RALGPS1: variants seen among roughly 807,000 people sequenced by gnomAD.
RALGPS1 encodes ras-specific guanine nucleotide-releasing factor RalGPS1.
RALGPS1 carries 19 observed loss-of-function variants against 78.8 expected under a neutral mutation model. That is an observed-to-expected ratio of 0.24 (90% confidence interval 0.17 to 0.35). RALGPS1 has a LOEUF of 0.35. RALGPS1 is among the 10% of genes least tolerant of loss of function. RALGPS1 has a pLI of 1.00. For synonymous variants in RALGPS1, 228 were observed against 256.3 expected (o/e 0.89, Z 1.06); for missense variants, 454 against 688.3 (o/e 0.66, Z 3.81).
At chr9:127,152,708 G>A (rs2058490658) in intron 8 of RALGPS1, among the ~76,000 whole-genome samples, 1 of 152,232 alleles carries the variant, frequency 6.6e-6, no homozygotes. Flanking sequence ...ATAAGTCTTA[G>A]TTGGTAAGGA....
At chr9:126,956,225 T>G (rs573199420) in intron 1 of RALGPS1, among the ~76,000 whole-genome samples, 162 of 150,074 alleles carry the variant, frequency 1.1e-3, no homozygotes, top group Non-Finnish European at 1.5e-3. Flanking sequence ...GGCCCTACTC[T>G]GGGTAGGGAA....
intron 1 of RALGPS1, among the ~76,000 whole-genome samples, chr9:126,959,584 T>C (rs2038683986): frequency 7.5e-6 from 1 of 132,912 alleles, no homozygotes; most frequent in Non-Finnish European, 1.7e-5. Context: ...AAACTTTACC[T>C]GACCAGTTCT....
chr9:127,045,177 C>T (rs1179621832), intron 5 of RALGPS1, among the ~76,000 whole-genome samples: 2 of 151,944 alleles, frequency 1.3e-5, no homozygotes, highest in Non-Finnish European at 2.9e-5. Flanking sequence ...CAAGAGGAAA[C>T]CTTAATATAT....
At chr9:127,069,866 G>T in intron 8 of RALGPS1, 1 of 152,332 alleles carries the variant, frequency 6.6e-6, no homozygotes, top group Admixed American at 6.5e-5. Flanking sequence ...ATATCTTATT[G>T]ATTTGGGCAT....
At chr9:126,970,537 G>C (rs1003217475) in intron 3 of RALGPS1, among the ~76,000 whole-genome samples, 1 of 152,082 alleles carries the variant, frequency 6.6e-6, no homozygotes. Flanking sequence ...ATGATGCTGC[G>C]TACCTAAGAA....
chr9:127,160,518 A>G (rs1267689659), intron 8 of RALGPS1, among the ~76,000 whole-genome samples: 4 of 152,152 alleles, frequency 2.6e-5, no homozygotes, highest in African/African-American at 9.7e-5. Context: ...GCATGGAAGG[A>G]GGGAGCAGAG....
chr9:126,955,166 A>G (rs545084921), intron 1 of RALGPS1, among the ~76,000 whole-genome samples: 11 of 152,316 alleles, frequency 7.2e-5, no homozygotes, highest in Admixed American at 5.9e-4. Context: ...GGCATTTATC[A>G]GTATCTTAAG....
intron 1 of RALGPS1, among the ~76,000 whole-genome samples, chr9:126,960,009 AG>A (rs1352716736): frequency 6.6e-6 from 1 of 152,176 alleles, no homozygotes; most frequent in African/African-American, 2.4e-5. Context: ...AGAACTGAGG[AG>A]GGGATAACTG....
intron 8 of RALGPS1, among the ~76,000 whole-genome samples, chr9:127,111,518 T>C (rs2054810669): frequency 6.6e-6 from 1 of 152,122 alleles, no homozygotes; most frequent in Admixed American, 6.5e-5. Context: ...CTGGGAGTGC[T>C]GGAAAGAGGG....
chr9:126,980,547 A>G (rs2041149337), intron 4 of RALGPS1, among the ~76,000 whole-genome samples: 1 of 152,246 alleles, frequency 6.6e-6, no homozygotes, highest in South Asian at 2.1e-4. Flanking sequence ...TAGTGATTGT[A>G]AGACTGATAG....
intron 8 of RALGPS1, among the ~76,000 whole-genome samples, chr9:127,099,148 C>T (rs1332483288): frequency 6.6e-6 from 1 of 152,174 alleles, no homozygotes; most frequent in African/African-American, 2.4e-5. Flanking sequence ...TCCTTTTTAT[C>T]CCCTGAGTCC....
intron 8 of RALGPS1, chr9:127,108,899 A>G (rs571989011): frequency 1.7e-5 from 12 of 715,198 alleles, no homozygotes; most frequent in Non-Finnish European, 2.5e-5. Context: ...CTGCTTCAGG[A>G]TGCTGGGTTA....
intron 8 of RALGPS1, among the ~76,000 whole-genome samples, chr9:127,136,416 C>T (rs917863689): frequency 3.3e-5 from 5 of 152,208 alleles, no homozygotes; most frequent in Non-Finnish European, 5.9e-5. Context: ...GGAGCACCCA[C>T]CCTCTTCCCG....
At chr9:127,064,793 C>T (rs1217867438) in intron 7 of RALGPS1, among the ~76,000 whole-genome samples, 2 of 152,160 alleles carry the variant, frequency 1.3e-5, no homozygotes, top group African/African-American at 2.4e-5. Flanking sequence ...AGTAAATATG[C>T]GTCACTATAT....
chr9:126,997,187 T>G (rs7026371), intron 4 of RALGPS1, among the ~76,000 whole-genome samples: 151,350 of 152,308 alleles, frequency 0.99, 75,209 homozygotes, highest in Middle Eastern at 1. Flanking sequence ...AGCCAGGGCA[T>G]TGAGGCAGGA....
At chr9:127,040,607 G>T (rs2047207188) in intron 5 of RALGPS1, among the ~76,000 whole-genome samples, 1 of 152,116 alleles carries the variant, frequency 6.6e-6, no homozygotes, top group Non-Finnish European at 1.5e-5. Flanking sequence ...CATAGAGCAG[G>T]TCTGGGAAAT....
chr9:127,153,375 CTTTTTTT>C (rs60308901), intron 8 of RALGPS1, among the ~76,000 whole-genome samples: 9 of 102,116 alleles, frequency 8.8e-5, no homozygotes, highest in South Asian at 8.0e-4. Flanking sequence ...TAGAGGATTA[CTTTTTTT>C]TTTTTTTTTT....
chr9:127,206,087 G>C (rs1269014720), intron 14 of RALGPS1, among the ~76,000 whole-genome samples: 1 of 152,240 alleles, frequency 6.6e-6, no homozygotes, highest in Non-Finnish European at 1.5e-5. Context: ...CTGAAGATGA[G>C]AGTGAAGCAT....
At chr9:126,928,351 CT>C (rs1347881319) in intron 1 of RALGPS1, among the ~76,000 whole-genome samples, 1 of 151,224 alleles carries the variant, frequency 6.6e-6, no homozygotes, top group Admixed American at 6.6e-5. Flanking sequence ...GGTGTGATGC[CT>C]TTTGCTTCTT....
Sources: allele counts gnomAD v4.1 joint callset (sites outside exome capture counted in the v4.1 genomes callset), GRCh38; gene constraint gnomAD v4.1.1; transcripts MANE v1.5; gene names NCBI Gene and HGNC (gene_info 2026-07-23, HGNC 2026-07-21).